Variants in SLC8A3 observed in about 807,000 individuals in gnomAD.
SLC8A3 encodes the protein solute carrier family 8 member A3, also known as sodium/calcium exchanger 3.
A neutral mutation model predicts 65.4 loss-of-function variants in SLC8A3; 37 were observed. The observed-to-expected ratio is 0.57, with a 90% CI of 0.44 to 0.74. The LOEUF (loss-of-function observed/expected upper bound fraction) is 0.74. Ranked by LOEUF, SLC8A3 falls within the 30% of genes least tolerant of loss-of-function variation. The probability of loss-of-function intolerance (pLI) is 0.00; values close to 1 mark genes in which losing one functional copy is unlikely to be tolerated. For missense variants in SLC8A3, 1,112 were observed against 1,172.1 expected (o/e 0.95, Z 0.75); for synonymous variants, 461 against 444.5 (o/e 1.04, Z -0.47).
At chr14:70,160,204 G>C (rs1896804192) in intron 2 of SLC8A3, among the ~76,000 whole-genome samples, 1 of 152,126 alleles carries the variant, frequency 6.6e-6, no homozygotes, top group East Asian at 1.9e-4. Flanking sequence ...CAGCTTTTTG[G>C]GAGGCCAAGG....
chr14:70,177,746 T>C (rs1566835954), intron 1 of SLC8A3, among the ~76,000 whole-genome samples: 1 of 152,170 alleles, frequency 6.6e-6, no homozygotes, highest in African/African-American at 2.4e-5. Context: ...GGCCAAGGAA[T>C]GTGGGCATTC....
chr14:70,084,772 A>C (rs1376154306), intron 2 of SLC8A3, among the ~76,000 whole-genome samples: 1 of 152,214 alleles, frequency 6.6e-6, no homozygotes, highest in Non-Finnish European at 1.5e-5. Context: ...AAACTGTCTC[A>C]GCTCAGAAAA....
chr14:70,045,960 A>T lies in SLC8A3; in HGVS notation c.2753T>A (p.Ile918Asn), dbSNP rs757193770. 6.3e-7 allele frequency: 1 copy of T among 1,594,458 alleles called. No homozygotes were observed. Among genetic ancestry groups the T allele is most frequent in the South Asian group, 1.1e-5 (1 of 89,554 alleles). ...CTGTTGTGTGGCTTAGAACCCCTTG[A>T]TGTAGCAATAGGCCTCTAGTGTGGC... is the stretch of plus-strand genomic sequence containing the variant. ...LFATLEAYCY[I>N]KGF The change falls in exon 7 of 7, where the codon ATC (isoleucine) becomes AAC (asparagine). Residue 918 changes from isoleucine to asparagine, a missense_variant. Transcript: ENST00000356921.
intron 2 of SLC8A3, among the ~76,000 whole-genome samples, chr14:70,079,280 T>C (rs974497659): frequency 1.4e-5 from 2 of 143,122 alleles, no homozygotes; most frequent in African/African-American, 5.3e-5. Context: ...GGTCAGGAGT[T>C]CGAGACCAGC....
chr14:70,046,275 G>A lies in SLC8A3; in HGVS notation c.2438C>T (p.Ala813Val), dbSNP rs767761012. 9 of 1,614,034 alleles carry A rather than the reference G, an allele frequency of 5.6e-6. No homozygotes were observed. The highest frequency in any genetic ancestry group is 6.8e-6 in the Non-Finnish European group (8 of 1,179,926). The change falls in exon 7 of 7, where the codon GCC (alanine) becomes GTC (valine). Residue 813 changes from alanine to valine, a missense_variant. Ala to Val is a moderately conservative substitution (Grantham distance 64, BLOSUM62 0). Coordinates refer to ENST00000356921, the MANE Select transcript of SLC8A3 (RefSeq NM_182932.3). The surrounding 1 kb of genome is among the most constrained non-coding windows in gnomAD (Gnocchi z 4.2). ...GCTGCCCGTCACGTTGCCAATGGAG[G>A]CGTCTGCATATACATCCTGGAGGGC... Reference protein sequence around the residue: ...AAALQDVYADASIGNVTGSNA... With the variant: ...AAALQDVYADVSIGNVTGSNA...
At chr14:70,162,578 A>G (rs2140349624) in intron 2 of SLC8A3, among the ~76,000 whole-genome samples, 1 of 152,342 alleles carries the variant, frequency 6.6e-6, no homozygotes, top group Middle Eastern at 3.4e-3. Flanking sequence ...TCAAAGGTCC[A>G]AGAGCTGCAA....
At chr14:70,063,974 G>C (rs746313188) in intron 2 of SLC8A3, 4 of 1,074,544 alleles carry the variant, frequency 3.7e-6, no homozygotes, top group Non-Finnish European at 5.7e-6. Context: ...GTAGAGTGTA[G>C]GACAAGTCAG....
At chr14:70,120,517 A>G (rs1893985410) in intron 2 of SLC8A3, among the ~76,000 whole-genome samples, 1 of 152,180 alleles carries the variant, frequency 6.6e-6, no homozygotes, top group Admixed American at 6.5e-5. Context: ...AGCTTTTCTG[A>G]TGAGTAGTAA....
chr14:70,054,365 G>A lies in SLC8A3; in HGVS notation c.1889-2251C>T, dbSNP rs9944059. The stretch of plus-strand genomic sequence containing the variant: ...CCAACGAATTGAAAGGCTAATCAGC[G>A]CTCCTAAATTAAAGGCTTACAGATT... On this transcript the variant is annotated intron_variant, in intron 3 of 6. Transcript: ENST00000356921. Among the ~76,000 whole-genome samples the A allele has an allele frequency of 1.6e-3, 239 of 152,242 alleles. 1 individual carries two copies. Among genetic ancestry groups the A allele is most frequent in the African/African-American group, 5.5e-3 (228 of 41,544 alleles).
intron 2 of SLC8A3, among the ~76,000 whole-genome samples, chr14:70,127,013 A>T (rs975317218): frequency 6.6e-5 from 10 of 152,246 alleles, no homozygotes; most frequent in Non-Finnish European, 1.0e-4. Flanking sequence ...GGCCACTGGG[A>T]GGGGCTTCTA....
intron 2 of SLC8A3, among the ~76,000 whole-genome samples, chr14:70,144,649 G>A (rs1320549649): frequency 1.3e-5 from 2 of 149,702 alleles, no homozygotes; most frequent in African/African-American, 2.5e-5. Context: ...AAAGAAAAAA[G>A]CAATTAAATC....
intron 1 of SLC8A3, among the ~76,000 whole-genome samples, chr14:70,174,730 C>G (rs1897794304): frequency 7.8e-6 from 1 of 128,738 alleles, no homozygotes; most frequent in Non-Finnish European, 1.6e-5. Context: ...ATTGCAGGTA[C>G]AGCCATGAAC....
intron 2 of SLC8A3, among the ~76,000 whole-genome samples, chr14:70,101,630 T>A (rs1273813482): frequency 3.5e-4 from 54 of 152,174 alleles, no homozygotes; most frequent in Admixed American, 3.5e-3. Context: ...ATGATCCAAG[T>A]TGAACTTGTA....
chr14:70,135,188 A>T (rs1895106562), intron 2 of SLC8A3, among the ~76,000 whole-genome samples: 2 of 152,380 alleles, frequency 1.3e-5, no homozygotes, highest in African/African-American at 4.8e-5. Context: ...AACTACAGTG[A>T]TATATCATCT....
rs377057312 is a variant in SLC8A3 at position 70,168,312 on chromosome 14, G to A, written c.111C>T (p.Asp37=). The change falls in exon 2 of 7, where the codon GAC becomes GAT. Residue 37 remains aspartate, a synonymous_variant. Transcript: ENST00000356921. ...GLRAEAGGSG[D]VPSTGQNNES... Reference sequence around the variant, plus strand: ...CATTGTTCTGCCCTGTGCTTGGCACGTCCCCTGAGCCACCAGCCTCTGCTC... The same window carrying A: ...CATTGTTCTGCCCTGTGCTTGGCACATCCCCTGAGCCACCAGCCTCTGCTC... The A allele has an allele frequency of 5.4e-5, 87 of 1,613,948 alleles. No homozygotes were observed. Among genetic ancestry groups the A allele is most frequent in the East Asian group, 2.7e-4 (12 of 44,888 alleles).
At position 70,168,377 on chromosome 14, in the gene SLC8A3, A is replaced by C. The variant is rs1019920178; in HGVS notation, c.46T>G (p.Phe16Val). Reference sequence around the variant, plus strand: ...AAGAGCACAAAGGTAACCAGCCCAAAATGGAGGAAGGCAGAGGTGAGAGGC... The same window carrying C: ...AAGAGCACAAAGGTAACCAGCCCAACATGGAGGAAGGCAGAGGTGAGAGGC... ...LQPLTSAFLH[F>V]GLVTFVLFLN... The change falls in exon 2 of 7, where the codon TTT becomes GTT. Residue 16 changes from phenylalanine (F) to valine (V), a missense_variant. Transcript: ENST00000356921. 11 of 1,614,122 alleles carry C rather than the reference A, an allele frequency of 6.8e-6. No homozygotes were observed. Among genetic ancestry groups the C allele is most frequent in the Non-Finnish European group, 9.3e-6 (11 of 1,180,008 alleles).
Position 70,045,994 on chromosome 14 carries a change from T to A in SLC8A3, c.2719A>T (p.Ile907Leu). The part of the protein sequence containing the change: ...WLFVSLWLLY[I>L]LFATLEAYCY... ...TAGGCCTCTAGTGTGGCAAAGAGTATGTAGAGGAGCCACAGGCTCACAAAG... is the reference window on the plus strand; with the variant it reads ...TAGGCCTCTAGTGTGGCAAAGAGTAAGTAGAGGAGCCACAGGCTCACAAAG... The change falls in exon 7 of 7, where the codon ATA becomes TTA. Residue 907 changes from isoleucine (I) to leucine (L), a missense_variant. Ile to Leu is a conservative substitution (Grantham distance 5). Coordinates refer to ENST00000356921, the MANE Select transcript of SLC8A3 (RefSeq NM_182932.3). 1 of 1,611,516 alleles carries A rather than the reference T, an allele frequency of 6.2e-7. No homozygotes were observed. The highest frequency in any genetic ancestry group is 8.5e-7 in the Non-Finnish European group (1 of 1,178,592).
chr14:70,077,928 C>T (rs1890686416), intron 2 of SLC8A3, among the ~76,000 whole-genome samples: 1 of 152,148 alleles, frequency 6.6e-6, no homozygotes, highest in African/African-American at 2.4e-5. Flanking sequence ...GGCTTGTAGC[C>T]AATACTCATT....
intron 1 of SLC8A3, among the ~76,000 whole-genome samples, chr14:70,183,978 A>G (rs1882970099): frequency 6.6e-6 from 1 of 152,222 alleles, no homozygotes; most frequent in Non-Finnish European, 1.5e-5. Flanking sequence ...CCTTGCAGTC[A>G]GCTCTTTCTT....
Sources: gnomAD v4.1 joint callset for allele counts (sites outside exome capture counted in the v4.1 genomes callset) on GRCh38, gnomAD v4.1.1 for gene constraint, Gnocchi (gnomAD v3.1) non-coding constraint, MANE v1.5 for transcripts, NCBI Gene and HGNC (gene_info 2026-07-23, HGNC 2026-07-21) for gene names.